FSTL4: variants seen among roughly 807,000 people sequenced by gnomAD.
FSTL4 encodes follistatin-related protein 4.
In FSTL4, 28 loss-of-function variants were observed where a neutral mutation model predicts 78.2. The ratio of observed to expected loss-of-function variants is 0.36; its 90% confidence interval spans 0.27 to 0.49. FSTL4 has a LOEUF of 0.49. Among genes scored for constraint, FSTL4 ranks in the 20% least tolerant of loss-of-function variants. The pLI is 0.98. For synonymous variants in FSTL4, 422 were observed against 440.5 expected, an observed-to-expected ratio of 0.96 and a Z score of 0.53; for missense variants, 922 against 1,084.9, an observed-to-expected ratio of 0.85 and a Z score of 2.11.
chr5:133,412,182 C>T (rs1402470691), intron 3 of FSTL4, among the ~76,000 whole-genome samples: 3 of 152,006 alleles, frequency 2.0e-5, no homozygotes, highest in Non-Finnish European at 2.9e-5. Flanking sequence ...TAAGTGCCCC[C>T]AGATAACCAA....
At chr5:133,687,035 A>G in the FSTL4 span, among the ~76,000 whole-genome samples, 17 of 152,162 alleles carry the variant, frequency 1.1e-4, no homozygotes, top group African/African-American at 3.9e-4. Context: ...AACAAAACAT[A>G]CACAGGCACC....
chr5:133,314,055 T>C (rs905335423), intron 5 of FSTL4, among the ~76,000 whole-genome samples: 1 of 152,188 alleles, frequency 6.6e-6, no homozygotes, highest in Non-Finnish European at 1.5e-5. Context: ...ATGAAGTGCC[T>C]GGTAAGGCTC....
chr5:133,826,474 G>A, the FSTL4 span, among the ~76,000 whole-genome samples: 1 of 152,312 alleles, frequency 6.6e-6, no homozygotes, highest in Middle Eastern at 3.4e-3. Flanking sequence ...GGGAGAAGCT[G>A]CCTTTGCCTC....
intron 3 of FSTL4, among the ~76,000 whole-genome samples, chr5:133,538,979 G>A (rs1759412338): frequency 6.6e-6 from 1 of 152,088 alleles, no homozygotes; most frequent in Non-Finnish European, 1.5e-5. Flanking sequence ...GCTCACTTGG[G>A]CTCCTTCACA....
intron 6 of FSTL4, among the ~76,000 whole-genome samples, chr5:133,262,758 C>T (rs1752562690): frequency 6.6e-6 from 1 of 152,174 alleles, no homozygotes; most frequent in Admixed American, 6.5e-5. Flanking sequence ...TCCAAGAGGC[C>T]CCCAGCTGAC....
At position 133,220,810 on chromosome 5, in the gene FSTL4, GGATGAC is replaced by G; in HGVS notation, c.1390_1395del (p.Val464_Ile465del). On this transcript the variant is annotated inframe_deletion, in exon 12 of 16. Coordinates refer to ENST00000265342, the MANE Select transcript of FSTL4 (RefSeq NM_015082.2). Reference sequence around the variant, plus strand: ...CTCTGGATCTCACAGTCCACAGGATGGATGACGATGATACCGTCGTCGGAGAAGACA... The same window carrying G: ...CTCTGGATCTCACAGTCCACAGGATGGATGATACCGTCGTCGGAGAAGACA... 1 of 1,613,364 alleles carries G rather than the reference GGATGAC, an allele frequency of 6.2e-7. No homozygotes were observed.
intron 3 of FSTL4, among the ~76,000 whole-genome samples, chr5:133,455,691 A>G (rs1288505204): frequency 9.2e-5 from 14 of 152,240 alleles, no homozygotes; most frequent in South Asian, 4.1e-4. Flanking sequence ...GCTCAAGACC[A>G]TATTCAAGGA....
chr5:133,393,192 TC>T (rs35319608), intron 4 of FSTL4, among the ~76,000 whole-genome samples: 67,880 of 151,984 alleles, frequency 0.45, 16,898 homozygotes, highest in Admixed American at 0.57. Flanking sequence ...GCTGACAGAA[TC>T]CGCGGAGGAG....
the FSTL4 span, among the ~76,000 whole-genome samples, chr5:133,665,830 T>C: frequency 5.7e-4 from 87 of 152,198 alleles, no homozygotes; most frequent in African/African-American, 1.9e-3. Context: ...TCAGAAAAAA[T>C]GCGGAGCAAG....
At chr5:133,807,740 G>A in the FSTL4 span, among the ~76,000 whole-genome samples, 5 of 152,200 alleles carry the variant, frequency 3.3e-5, no homozygotes, top group South Asian at 4.1e-4. Context: ...CGGCCAGTGG[G>A]TCATGTCCTC....
chr5:133,695,766 C>T, the FSTL4 span, among the ~76,000 whole-genome samples: 4 of 152,146 alleles, frequency 2.6e-5, no homozygotes, highest in East Asian at 7.7e-4. Flanking sequence ...CCAAAGGCAA[C>T]CCCCTCCCCT....
chr5:133,497,305 C>T (rs996091642), intron 3 of FSTL4, among the ~76,000 whole-genome samples: 5 of 152,192 alleles, frequency 3.3e-5, no homozygotes, highest in African/African-American at 1.2e-4. Flanking sequence ...GAGATGGTCA[C>T]CTTCCTTGAG....
intron 3 of FSTL4, among the ~76,000 whole-genome samples, chr5:133,555,017 T>C (rs958872010): frequency 2.0e-5 from 3 of 152,226 alleles, no homozygotes; most frequent in African/African-American, 7.2e-5. Context: ...TATTCCAATG[T>C]AGCACCTGAC....
chr5:133,537,467 G>C (rs1335456887), intron 3 of FSTL4, among the ~76,000 whole-genome samples: 1 of 152,086 alleles, frequency 6.6e-6, no homozygotes, highest in Non-Finnish European at 1.5e-5. Context: ...CTTATTAAAA[G>C]ATATTAGTTA....
At chr5:133,702,419 C>A in the FSTL4 span, among the ~76,000 whole-genome samples, 7 of 152,138 alleles carry the variant, frequency 4.6e-5, no homozygotes, top group Non-Finnish European at 8.8e-5. Flanking sequence ...AACCTCAGAG[C>A]ATTGGGGCAG....
At chr5:133,595,811 C>T (rs1408067490) in intron 2 of FSTL4, among the ~76,000 whole-genome samples, 1 of 152,194 alleles carries the variant, frequency 6.6e-6, no homozygotes, top group African/African-American at 2.4e-5. Context: ...GTATTTCACT[C>T]GTGGCAAACC....
the FSTL4 span, among the ~76,000 whole-genome samples, chr5:133,734,298 T>C: frequency 2.0e-5 from 3 of 152,332 alleles, no homozygotes; most frequent in South Asian, 6.2e-4. Context: ...AATTATATTA[T>C]GGATAGGTCT....
the FSTL4 span, among the ~76,000 whole-genome samples, chr5:133,780,114 C>T: frequency 4.6e-5 from 7 of 152,080 alleles, no homozygotes; most frequent in Admixed American, 1.3e-4. Context: ...AGGGCTGCCC[C>T]GAAAGGGATG....
At chr5:133,282,367 T>C (rs1184809535) in intron 6 of FSTL4, among the ~76,000 whole-genome samples, 2 of 152,166 alleles carry the variant, frequency 1.3e-5, no homozygotes, top group Non-Finnish European at 2.9e-5. Context: ...TCCTTGCATG[T>C]TCCAGGGTAG....
Sources: gnomAD v4.1 joint callset for allele counts (sites outside exome capture counted in the v4.1 genomes callset) on GRCh38, gnomAD v4.1.1 for gene constraint, MANE v1.5 for transcripts, NCBI Gene and HGNC (gene_info 2026-07-23, HGNC 2026-07-21) for gene names.